The following EIPR1 variants were observed in gnomAD, a reference collection of about 807,000 sequenced individuals.
The protein encoded by EIPR1 is EARP complex and GARP complex interacting protein 1.
Under a neutral mutation model 48.1 loss-of-function variants are expected in EIPR1, and 25 were observed. The ratio of observed to expected loss-of-function variants is 0.52; its 90% CI spans 0.38 to 0.73. EIPR1 has a LOEUF of 0.73. EIPR1 is among the 30% of genes least tolerant of loss of function. EIPR1 has a pLI of 0.00. For missense variants in EIPR1, 415 were observed against 506.2 expected (o/e 0.82, Z 1.73); for synonymous variants, 204 against 201.9 (o/e 1.01, Z -0.09).
At chr2:3,246,477 G>A (rs1869416) in intron 4 of EIPR1, among the ~76,000 whole-genome samples, 87,143 of 151,738 alleles carry the variant, frequency 0.57, 25,366 homozygotes, top group East Asian at 0.76. Context: ...ATCTTAACAC[G>A]TACACCCTGC....
rs950237336 is a variant in EIPR1, at chr2:3,266,018, T to C, written c.260-8563A>G. On this transcript the variant is annotated intron_variant, in intron 3 of 8. Transcript: ENST00000382125. ...CAAGAGCTCAAGGCCCTTAATGAGA[T>C]AAAGAGATAATCAGGGCAAAATGAA... is the stretch of plus-strand genomic sequence containing the variant. 5.3e-5 allele frequency among the ~76,000 whole-genome samples: 8 copies of C among 151,994 alleles called. No homozygotes were observed. The East Asian group carries it at 1.2e-3, about 22-fold the overall frequency.
intron 2 of EIPR1, among the ~76,000 whole-genome samples, chr2:3,349,012 T>C (rs1484025946): frequency 6.6e-6 from 1 of 152,202 alleles, no homozygotes; most frequent in South Asian, 2.1e-4. Context: ...GGAGCTGTCC[T>C]GATTTTCAGG....
intron 3 of EIPR1, chr2:3,274,299 G>A: frequency 1.3e-6 from 2 of 1,550,036 alleles, no homozygotes; most frequent in Non-Finnish European, 1.7e-6. Context: ...ACACACTGTA[G>A]CACAAATGCA....
chr2:3,260,215 G>A lies in EIPR1; in HGVS notation c.260-2760C>T, dbSNP rs187269231. Reference sequence around the variant, plus strand: ...CTATTAAAGAAATGAAGCAGTGGCCGGGCATGGTGGCTCACGCCTGTAATC... The same window carrying A: ...CTATTAAAGAAATGAAGCAGTGGCCAGGCATGGTGGCTCACGCCTGTAATC... On this transcript the variant is annotated intron_variant, in intron 3 of 8. Transcript: ENST00000382125. Among the ~76,000 whole-genome samples, 463 of 152,260 alleles carry A rather than the reference G, an allele frequency of 3.0e-3. 4 individuals are homozygous for A. Among genetic ancestry groups the A allele is most frequent in the Middle Eastern group, 0.017 (5 of 294 alleles).
chr2:3,236,175 T>C (rs4854147), intron 4 of EIPR1, among the ~76,000 whole-genome samples: 139,209 of 152,190 alleles, frequency 0.91, 64,158 homozygotes, highest in East Asian at 0.98. Flanking sequence ...GACATCGCCG[T>C]ACGTGTACTG....
At chr2:3,313,783 T>C (rs1178950499) in intron 3 of EIPR1, among the ~76,000 whole-genome samples, 1 of 152,082 alleles carries the variant, frequency 6.6e-6, no homozygotes, top group African/African-American at 2.4e-5. Context: ...TTTGTTCCCA[T>C]GAGAAACTCA....
In EIPR1 at chr2:3,189,525, G is replaced by A; in HGVS notation, c.990-17C>T. On this transcript the variant is annotated splice_polypyrimidine_tract_variant and intron_variant, in intron 8 of 8. Coordinates refer to ENST00000382125, the MANE Select transcript of EIPR1 (RefSeq NM_003310.5). The surrounding 1 kb of genome is among the most constrained non-coding windows in gnomAD (Gnocchi z 4.6). ...TCCTTGCTCCTGCAATGCAACAGAG[G>A]CAGACGTGAGCGCAGCAGCTCCGGC... 3 of 1,536,634 alleles carry A rather than the reference G, an allele frequency of 2.0e-6. No homozygotes were observed. The highest frequency in any genetic ancestry group is 1.2e-5 in the South Asian group (1 of 83,692).
chr2:3,321,328 C>T (rs1669521452), intron 3 of EIPR1, among the ~76,000 whole-genome samples: 1 of 152,180 alleles, frequency 6.6e-6, no homozygotes, highest in Non-Finnish European at 1.5e-5. Flanking sequence ...GAAACTTTAA[C>T]CGGAGACACA....
At chr2:3,259,201 T>G (rs945880413) in intron 3 of EIPR1, among the ~76,000 whole-genome samples, 1 of 152,112 alleles carries the variant, frequency 6.6e-6, no homozygotes, top group Admixed American at 6.6e-5. Flanking sequence ...TGGCTGCACT[T>G]CAAAATGAAT....
rs184274528 is a variant in EIPR1, at chr2:3,280,489, C to T, written c.260-23034G>A. 2.2e-4 allele frequency among the ~76,000 whole-genome samples: 34 copies of T among 152,288 alleles called. 1 individual carries two copies. Among genetic ancestry groups the T allele is most frequent in the Admixed American group, 2.2e-3 (34 of 15,282 alleles). ...AGACTGGCCCCGCCTCTCTGCTTGT[C>T]TCCCCCAACTTGAATCTAACCTGCT... On this transcript the variant is annotated intron_variant, in intron 3 of 8. Transcript: ENST00000382125.
intron 2 of EIPR1, among the ~76,000 whole-genome samples, chr2:3,349,707 G>C (rs1670512569): frequency 6.6e-6 from 1 of 152,088 alleles, no homozygotes. Flanking sequence ...ATGGGGACAG[G>C]GAGCATGCTG....
At chr2:3,248,392 G>A (rs188670421) in intron 4 of EIPR1, among the ~76,000 whole-genome samples, 2 of 152,314 alleles carry the variant, frequency 1.3e-5, no homozygotes, top group East Asian at 1.9e-4. Flanking sequence ...TCAGGAGTTC[G>A]AGACCAGCCT....
intron 8 of EIPR1, among the ~76,000 whole-genome samples, chr2:3,191,106 CA>C (rs1425915050): frequency 6.6e-6 from 1 of 152,120 alleles, no homozygotes; most frequent in African/African-American, 2.4e-5. Context: ...GTCTCAAAAA[CA>C]AAACAAAGGC....
intron 3 of EIPR1, among the ~76,000 whole-genome samples, chr2:3,273,353 G>A (rs1428496886): frequency 6.6e-6 from 1 of 152,150 alleles, no homozygotes; most frequent in Non-Finnish European, 1.5e-5. Context: ...CCTCTGCTAG[G>A]AACCTAAAGG....
In EIPR1 at chr2:3,251,955, GGAGT is replaced by G. The variant is rs1414824458; in HGVS notation, c.416+5340_416+5343del. Among the ~76,000 whole-genome samples, 6 of 152,158 alleles carry G rather than the reference GGAGT, an allele frequency of 3.9e-5. 1 individual carries two copies. The highest frequency in any genetic ancestry group is 2.0e-4 in the Admixed American group (3 of 15,288). On this transcript the variant is annotated intron_variant, in intron 4 of 8. Transcript: ENST00000382125. ...ATGAATCCTGAATACTCCCTCTGTA[GGAGT>G]GAGTAATTCCAGATACCTTTACCTT...
chr2:3,198,214 T>C (rs1664877303), intron 5 of EIPR1, among the ~76,000 whole-genome samples: 1 of 152,220 alleles, frequency 6.6e-6, no homozygotes, highest in South Asian at 2.1e-4. Context: ...GCGCACTGGC[T>C]GCAGATGCTC....
intron 3 of EIPR1, among the ~76,000 whole-genome samples, chr2:3,314,799 G>C (rs939061098): frequency 2.0e-5 from 3 of 151,808 alleles, no homozygotes; most frequent in Non-Finnish European, 4.4e-5. Flanking sequence ...TGCCTCAGCC[G>C]CACTGGACCA....
chr2:3,231,944 G>C lies in EIPR1; in HGVS notation c.417-17696C>G, dbSNP rs1385958714. On this transcript the variant is annotated intron_variant, in intron 4 of 8. Transcript: ENST00000382125. Reference sequence around the variant, plus strand: ...TTCTTAAAATATTTCGCAGAATTCAGCAGTGAAGTCATCAGGTCCTGGGCT... The same window carrying C: ...TTCTTAAAATATTTCGCAGAATTCACCAGTGAAGTCATCAGGTCCTGGGCT... Among the ~76,000 whole-genome samples, 4 of 152,200 alleles carry C rather than the reference G, an allele frequency of 2.6e-5. No homozygotes were observed. The East Asian group carries it at 7.7e-4, about 29-fold the overall frequency.
chr2:3,352,278 C>T (rs561308143), intron 2 of EIPR1, among the ~76,000 whole-genome samples: 3 of 148,642 alleles, frequency 2.0e-5, no homozygotes, highest in East Asian at 2.0e-4. Context: ...GCTACAGAAG[C>T]GACCTGCCCC....
Sources: allele counts gnomAD v4.1 joint callset (sites outside exome capture counted in the v4.1 genomes callset), GRCh38; gene constraint gnomAD v4.1.1; non-coding constraint Gnocchi (gnomAD v3.1); transcripts MANE v1.5; gene names NCBI Gene and HGNC (gene_info 2026-07-23, HGNC 2026-07-21).